HTR1F: variants seen among roughly 807,000 people sequenced by gnomAD.
HTR1F encodes 5-hydroxytryptamine receptor 1F.
In HTR1F, 17 loss-of-function variants were observed where a neutral mutation model predicts 24.0. The ratio of observed to expected loss-of-function variants is 0.71; its 90% CI spans 0.48 to 1.06. The LOEUF (loss-of-function observed/expected upper bound fraction) is 1.06, where lower values mean the gene tolerates loss of function less well. HTR1F is among the 50% of genes least tolerant of loss of function. The pLI, the probability that HTR1F is intolerant of heterozygous loss-of-function variation, is 0.00. For missense variants in HTR1F, 391 were observed against 427.8 expected (o/e 0.91, Z 0.76); for synonymous variants, 186 against 156.8 (o/e 1.19, Z -1.39).
chr3:87,947,318 T>C (rs1559644916), intron 2 of HTR1F, among the ~76,000 whole-genome samples: 1 of 152,168 alleles, frequency 6.6e-6, no homozygotes, highest in Non-Finnish European at 1.5e-5. Context: ...AAAAAGTGGT[T>C]TGGACAGATA....
intron 2 of HTR1F, among the ~76,000 whole-genome samples, chr3:87,934,812 C>A (rs10511135): frequency 0.089 from 13,617 of 152,196 alleles, 649 homozygotes; most frequent in African/African-American, 0.12. Context: ...CTAAGAAGTA[C>A]GGAGTTGCAT....
chr3:87,901,400 G>T (rs1706320014), intron 2 of HTR1F, among the ~76,000 whole-genome samples: 1 of 152,044 alleles, frequency 6.6e-6, no homozygotes, highest in Non-Finnish European at 1.5e-5. Flanking sequence ...GAAAAAAACA[G>T]CCATCTGCAA....
At chr3:87,985,386 G>A (rs1400576384) in intron 2 of HTR1F, among the ~76,000 whole-genome samples, 1 of 151,762 alleles carries the variant, frequency 6.6e-6, no homozygotes, top group African/African-American at 2.4e-5. Context: ...CCTCATGACT[G>A]AAATACAACT....
At chr3:87,837,700 A>C (rs1704709658) in intron 2 of HTR1F, among the ~76,000 whole-genome samples, 1 of 152,062 alleles carries the variant, frequency 6.6e-6, no homozygotes, top group South Asian at 2.1e-4. Context: ...AACATATATT[A>C]TATAATGTGT....
intron 2 of HTR1F, among the ~76,000 whole-genome samples, chr3:87,939,479 T>C (rs1008343495): frequency 6.6e-6 from 1 of 152,164 alleles, no homozygotes; most frequent in Non-Finnish European, 1.5e-5. Flanking sequence ...TCTAGTAGAA[T>C]CCAGCTGTAA....
intron 2 of HTR1F, among the ~76,000 whole-genome samples, chr3:87,833,814 C>T (rs942286144): frequency 1.3e-5 from 2 of 152,070 alleles, no homozygotes; most frequent in African/African-American, 4.8e-5. Flanking sequence ...GCCTATAAAG[C>T]CCTTTTTTTT....
intron 2 of HTR1F, among the ~76,000 whole-genome samples, chr3:87,950,507 G>A (rs1704809139): frequency 6.6e-6 from 1 of 150,884 alleles, no homozygotes. Context: ...AGGATGCCCT[G>A]ATGTTATTTT....
At position 87,838,815 on chromosome 3, in the gene HTR1F, C is replaced by A. The variant is rs573527949; in HGVS notation, c.-43+16691C>A. ...TGCTATAATCTGAGTCTGAAAACTT[C>A]CTTCCTAAAAAAAAAAAAAATTCTC... On this transcript the variant is annotated intron_variant, in intron 2 of 2. Coordinates refer to ENST00000319595, the MANE Select transcript of HTR1F (RefSeq NM_001322209.2). Among the ~76,000 whole-genome samples, 3 of 150,666 alleles carry A rather than the reference C, an allele frequency of 2.0e-5. No individual in the cohort carries two copies. In the East Asian group the frequency reaches 5.8e-4, roughly 29 times the overall value.
chr3:87,946,611 G>A (rs1395836893), intron 2 of HTR1F, among the ~76,000 whole-genome samples: 4 of 129,898 alleles, frequency 3.1e-5, no homozygotes, highest in Non-Finnish European at 5.2e-5. Flanking sequence ...GTGTGTGTGT[G>A]TATATATATA....
chr3:87,809,958 G>A (rs774031221), intron 1 of HTR1F, among the ~76,000 whole-genome samples: 12 of 151,676 alleles, frequency 7.9e-5, no homozygotes, highest in Non-Finnish European at 1.5e-4. Flanking sequence ...ACACCATCTG[G>A]TTATTTTTTT....
At chr3:87,979,656 T>C (rs1705498657) in intron 2 of HTR1F, among the ~76,000 whole-genome samples, 1 of 152,212 alleles carries the variant, frequency 6.6e-6, no homozygotes, top group South Asian at 2.1e-4. Context: ...CCCACTGGGC[T>C]TGTTCTGCCC....
At chr3:87,928,561 C>T (rs1304200854) in intron 2 of HTR1F, among the ~76,000 whole-genome samples, 1 of 152,124 alleles carries the variant, frequency 6.6e-6, no homozygotes, top group Admixed American at 6.6e-5. Context: ...TTTGCACAAT[C>T]TATGTAGCAG....
intron 2 of HTR1F, among the ~76,000 whole-genome samples, chr3:87,884,765 T>C (rs1391587471): frequency 1.3e-5 from 2 of 152,068 alleles, no homozygotes; most frequent in Non-Finnish European, 2.9e-5. Context: ...CATTACATAA[T>C]GGTAAAGGGA....
intron 2 of HTR1F, among the ~76,000 whole-genome samples, chr3:87,968,275 C>T (rs144196105): frequency 0.014 from 2,135 of 151,928 alleles, 40 homozygotes; most frequent in African/African-American, 0.046. Flanking sequence ...TGCAATGGCA[C>T]GATCTTGGCT....
intron 2 of HTR1F, among the ~76,000 whole-genome samples, chr3:87,897,473 T>C (rs143919567): frequency 2.0e-5 from 3 of 152,208 alleles, no homozygotes; most frequent in East Asian, 3.9e-4. Flanking sequence ...TCAGTTTTGT[T>C]TGAAAATAAA....
chr3:87,848,930 A>G (rs906906728), intron 2 of HTR1F, among the ~76,000 whole-genome samples: 1 of 151,592 alleles, frequency 6.6e-6, no homozygotes, highest in African/African-American at 2.4e-5. Context: ...AAGGAGAACT[A>G]CAAACCACTG....
At chr3:87,832,811 AGTTATATTT>A (rs771688059) in intron 2 of HTR1F, among the ~76,000 whole-genome samples, 11 of 152,226 alleles carry the variant, frequency 7.2e-5, no homozygotes, top group Non-Finnish European at 1.5e-4. Flanking sequence ...AATGTTTGAA[AGTTATATTT>A]GAGTTATTTG....
At chr3:87,963,047 T>C (rs552363306) in intron 2 of HTR1F, among the ~76,000 whole-genome samples, 1 of 152,168 alleles carries the variant, frequency 6.6e-6, no homozygotes, top group African/African-American at 2.4e-5. Context: ...AGATTAAAAA[T>C]ACTGATTTAT....
chr3:87,931,007 T>A (rs1704250636), intron 2 of HTR1F, among the ~76,000 whole-genome samples: 1 of 149,296 alleles, frequency 6.7e-6, no homozygotes, highest in South Asian at 2.1e-4. Context: ...AACAACAGCA[T>A]ACTGTGCCAT....
Sources: allele counts gnomAD v4.1 joint callset (sites outside exome capture counted in the v4.1 genomes callset), GRCh38; gene constraint gnomAD v4.1.1; transcripts MANE v1.5; gene names NCBI Gene and HGNC (gene_info 2026-07-23, HGNC 2026-07-21).